Variants in POTEB2 observed in about 807,000 individuals in gnomAD.
The protein encoded by POTEB2 is POTE ankyrin domain family, member B2.
POTEB2 carries 1 observed loss-of-function variant against 1.8 expected under a neutral mutation model. The observed-to-expected ratio is 0.55, with a 90% CI of 0.20 to 2.62. POTEB2 has a LOEUF of 2.62. POTEB2 is among the 30% of genes most tolerant of loss of function. The pLI, the probability that POTEB2 is intolerant of heterozygous loss-of-function variation, is 0.24.
At chr15:20,860,844 C>A (rs1595303538) in intron 3 of POTEB2, among the ~76,000 whole-genome samples, 198 bp downstream of exon 3, 1 of 29,296 alleles carries the variant, frequency 3.4e-5, no homozygotes, top group Non-Finnish European at 5.0e-5. Context: ...CACAAGTGCA[C>A]TGAAAAAAAC....
At chr15:20,860,429 ACACACAC>A (rs1889666964) in intron 3 of POTEB2, among the ~76,000 whole-genome samples, 1 of 47,338 alleles carries the variant, frequency 2.1e-5, no homozygotes, top group African/African-American at 1.2e-4. Flanking sequence ...ACACACACAC[ACACACAC>A]ACAAACAAAA....
At chr15:20,836,382 A>AATACACACAC (rs1283898176) in intron 10 of POTEB2, among the ~76,000 whole-genome samples, 6 of 52,498 alleles carry the variant, frequency 1.1e-4, no homozygotes, top group African/African-American at 1.8e-4. Flanking sequence ...CTCCATCTAG[A>AATACACACAC]ATACACACAC....
rs746016487 is a variant in POTEB2, at chr15:20,836,384, T to TACACAC, written c.1423-787_1423-782dup. Among the ~76,000 whole-genome samples the TACACAC allele has an allele frequency of 4.8e-3, 264 of 55,532 alleles. 4 individuals are homozygous for TACACAC. Among genetic ancestry groups the TACACAC allele is most frequent in the African/African-American group, 0.012 (225 of 18,792 alleles). The allele number at this position is 55,532 out of a possible 152,430, so 36.4% of individuals were successfully genotyped here. ...TGACAGTGCAAGACTCCATCTAGAA[T>TACACAC]ACACACACACACACACACACACACA... On this transcript the variant is annotated intron_variant, in intron 10 of 10. Transcript: ENST00000454856.
intron 9 of POTEB2, among the ~76,000 whole-genome samples, chr15:20,839,888 A>ATATATATTAAAGAAAAT (rs1889426672): frequency 4.9e-4 from 1 of 2,060 alleles, no homozygotes. Flanking sequence ...ATATATATAT[A>ATATATATTAAAGAAAAT]TATATATATA....
chr15:20,860,441 AC>A lies in POTEB2; in HGVS notation c.699+600del, dbSNP rs1370663213. Among the ~76,000 whole-genome samples the A allele has an allele frequency of 1.3e-3, 37 of 29,142 alleles. 9 individuals are homozygous for A. Among genetic ancestry groups the A allele is most frequent in the African/African-American group, 5.6e-3 (29 of 5,140 alleles). The allele number at this position is 29,142 out of a possible 152,430, so 19.1% of individuals were successfully genotyped here. On this transcript the variant is annotated intron_variant, in intron 3 of 10. Transcript: ENST00000454856. ...CACACACACACACACACACACACAA[AC>A]AAAAACAAAAACAAAAACAAAAAAA...
At chr15:20,860,436 C>A (rs1218826406) in intron 3 of POTEB2, among the ~76,000 whole-genome samples, 6,732 of 42,760 alleles carry the variant, frequency 0.16, 1,398 homozygotes, top group East Asian at 0.24. Flanking sequence ...CACACACACA[C>A]ACAAACAAAA....
intron 9 of POTEB2, among the ~76,000 whole-genome samples, chr15:20,839,898 A>ATATATATATTAAAGAAAAT (rs1889431490): frequency 2.0e-5 from 1 of 49,612 alleles, no homozygotes; most frequent in South Asian, 9.2e-4. Flanking sequence ...ATATATATAT[A>ATATATATATTAAAGAAAAT]TATATATATA....
rs1208174439 is a variant in POTEB2 at position 20,839,179 on chromosome 15, A to G, written c.1299-1812T>C. On this transcript the variant is annotated intron_variant, in intron 9 of 10. Transcript: ENST00000454856. ...CATTAGCCTAGGCAAATAATTTATG[A>G]TGAGGACCCTGAAAGCAAAAGCAAC... is the stretch of plus-strand genomic sequence containing the variant. Among the ~76,000 whole-genome samples, 9 of 106,064 alleles carry G rather than the reference A, an allele frequency of 8.5e-5. 1 individual carries two copies. The highest frequency in any genetic ancestry group is 1.1e-4 in the Admixed American group (1 of 8,728). 69.6% of individuals were successfully genotyped at this position (106,064 alleles called of 152,430 possible). A position where few individuals can be genotyped will look rare whatever the true frequency, so the allele number is the denominator to read the frequency against.
At chr15:20,836,384 T>TACAAC (rs1555393612) in intron 10 of POTEB2, among the ~76,000 whole-genome samples, 3 of 55,702 alleles carry the variant, frequency 5.4e-5, no homozygotes, top group South Asian at 2.4e-3. Flanking sequence ...CCATCTAGAA[T>TACAAC]ACACACACAC....
chr15:20,852,716 T>TAACA (rs1332358202), intron 6 of POTEB2, among the ~76,000 whole-genome samples: 1 of 98,920 alleles, frequency 1.0e-5, no homozygotes, highest in Non-Finnish European at 2.1e-5. Flanking sequence ...GGCACATAAT[T>TAACA]AATACATAAT....
At chr15:20,860,438 CAAACAA>C (rs1259495696) in intron 3 of POTEB2, among the ~76,000 whole-genome samples, 2 of 41,694 alleles carry the variant, frequency 4.8e-5, no homozygotes, top group Non-Finnish European at 4.1e-5. Flanking sequence ...CACACACACA[CAAACAA>C]AAACAAAAAC....
intron 3 of POTEB2, among the ~76,000 whole-genome samples, chr15:20,860,436 C>CAAAAAAAAAA (rs1474292205): frequency 2.3e-5 from 1 of 43,542 alleles, no homozygotes; most frequent in African/African-American, 1.4e-4. Context: ...CACACACACA[C>CAAAAAAAAAA]ACAAACAAAA....
At chr15:20,844,714 A>G (rs1307716467) in intron 9 of POTEB2, among the ~76,000 whole-genome samples, 6 of 41,054 alleles carry the variant, frequency 1.5e-4, no homozygotes, top group African/African-American at 4.9e-4. Context: ...TTAAATATAG[A>G]TCCCCATGTA....
intron 3 of POTEB2, among the ~76,000 whole-genome samples, chr15:20,860,755 C>A (rs1889675016): frequency 4.7e-5 from 1 of 21,172 alleles, no homozygotes; most frequent in Admixed American, 6.0e-4. Context: ...GAAAAAAAAA[C>A]TTGGCAGGGA....
intron 3 of POTEB2, among the ~76,000 whole-genome samples, chr15:20,860,402 AACACACACAC>A (rs377606137): frequency 4.7e-5 from 2 of 42,346 alleles, no homozygotes; most frequent in Non-Finnish European, 8.4e-5. Context: ...CAACAATAAC[AACACACACAC>A]ACACACACAC....
rs1555393620 is a variant in POTEB2, at chr15:20,836,416, C to CAT, written c.1423-815_1423-814dup. Among the ~76,000 whole-genome samples, 141 of 83,200 alleles carry CAT rather than the reference C, an allele frequency of 1.7e-3. 2 individuals carry two copies. Among genetic ancestry groups the CAT allele is most frequent in the African/African-American group, 5.6e-3 (131 of 23,222 alleles). 54.6% of individuals were successfully genotyped at this position (83,200 alleles called of 152,430 possible). A position where few individuals can be genotyped will look rare whatever the true frequency, so the allele number is the denominator to read the frequency against. On this transcript the variant is annotated intron_variant, in intron 10 of 10. Transcript: ENST00000454856. ...ACACACACACACACACACACACACA[C>CAT]ATATATATATGCAACGTGCAAGATT...
chr15:20,836,392 C>CAT lies in POTEB2; in HGVS notation c.1423-790_1423-789insAT, dbSNP rs748147690. On this transcript the variant is annotated intron_variant, in intron 10 of 10. Coordinates refer to ENST00000454856, the MANE Select transcript of POTEB2 (RefSeq NM_001277303.1). ...CAAGACTCCATCTAGAATACACACA[C>CAT]ACACACACACACACACACACACACA... Among the ~76,000 whole-genome samples, 592 of 80,960 alleles carry CAT rather than the reference C, an allele frequency of 7.3e-3. 17 individuals are homozygous for CAT. Among genetic ancestry groups the CAT allele is most frequent in the South Asian group, 0.014 (24 of 1,690 alleles). 53.1% of individuals were successfully genotyped at this position (80,960 alleles called of 152,430 possible).
chr15:20,860,438 CAA>C (rs1446354770), intron 3 of POTEB2, among the ~76,000 whole-genome samples: 1 of 41,696 alleles, frequency 2.4e-5, no homozygotes. Flanking sequence ...CACACACACA[CAA>C]ACAAAAACAA....
At chr15:20,838,988 G>A (rs1889402451) in intron 9 of POTEB2, among the ~76,000 whole-genome samples, 1 of 34,434 alleles carries the variant, frequency 2.9e-5, no homozygotes, top group Non-Finnish European at 4.7e-5. Context: ...AATGATCTCT[G>A]AGAAAGGATA....
Sources: gnomAD v4.1 joint callset for allele counts (sites outside exome capture counted in the v4.1 genomes callset) on GRCh38, gnomAD v4.1.1 for gene constraint, MANE v1.5 for transcripts, NCBI Gene and HGNC (gene_info 2026-07-23, HGNC 2026-07-21) for gene names.